UNC5D: variants seen among roughly 807,000 people sequenced by gnomAD.
UNC5D encodes the protein unc-5 netrin receptor D.
A neutral mutation model predicts 105.4 loss-of-function variants in UNC5D; 39 were observed. The observed-to-expected ratio is 0.37, with a 90% confidence interval of 0.29 to 0.48. The LOEUF (loss-of-function observed/expected upper bound fraction) is 0.48, where lower values mean the gene tolerates loss of function less well. Among genes scored for constraint, UNC5D ranks in the 20% least tolerant of loss-of-function variants. UNC5D has a pLI of 0.98. For synonymous variants in UNC5D, 452 were observed against 450.4 expected, an observed-to-expected ratio of 1.00 and a Z score of -0.04; for missense variants, 991 against 1,202.4, an observed-to-expected ratio of 0.82 and a Z score of 2.60.
At chr8:35,741,478 T>C (rs1310818066) in intron 11 of UNC5D, among the ~76,000 whole-genome samples, 1 of 152,196 alleles carries the variant, frequency 6.6e-6, no homozygotes, top group Non-Finnish European at 1.5e-5. Flanking sequence ...CTGTTCTAAC[T>C]GCTCCTTTTC....
intron 1 of UNC5D, among the ~76,000 whole-genome samples, chr8:35,437,860 G>A (rs1196486383): frequency 1.4e-5 from 2 of 144,452 alleles, no homozygotes; most frequent in Admixed American, 1.4e-4. Context: ...CTGAGCGGTT[G>A]ATTTTTTTTT....
At chr8:35,580,569 G>A (rs1008480534) in intron 3 of UNC5D, among the ~76,000 whole-genome samples, 3 of 152,126 alleles carry the variant, frequency 2.0e-5, no homozygotes, top group Non-Finnish European at 4.4e-5. Context: ...AGTAGAACAG[G>A]CACTAGGAGA....
chr8:35,779,957 C>T lies in UNC5D; in HGVS notation c.2657+5480C>T, dbSNP rs898695265. Among the ~76,000 whole-genome samples, 7 of 152,128 alleles carry T rather than the reference C, an allele frequency of 4.6e-5. No individual in the cohort carries two copies. The South Asian group carries it at 8.3e-4, about 18-fold the overall frequency. ...TGTGATGCCTCCTAATTTTCATATT[C>T]CAGAAACCCTTGTGAAAACACAGCC... is the stretch of plus-strand genomic sequence containing the variant. On this transcript the variant is annotated intron_variant, in intron 16 of 16. Transcript: ENST00000404895.
chr8:35,593,539 G>A (rs1039659831), intron 3 of UNC5D, among the ~76,000 whole-genome samples: 12 of 152,168 alleles, frequency 7.9e-5, no homozygotes, highest in African/African-American at 2.9e-4. Flanking sequence ...GATCGGAGGA[G>A]GAGTTGGAGA....
intron 1 of UNC5D, among the ~76,000 whole-genome samples, chr8:35,296,861 C>T (rs945511623): frequency 2.8e-4 from 42 of 152,218 alleles, no homozygotes; most frequent in Non-Finnish European, 6.0e-4. Flanking sequence ...ACTCATTGTA[C>T]TGTGATACCC....
At chr8:35,672,171 T>C (rs1225116495) in intron 4 of UNC5D, among the ~76,000 whole-genome samples, 1 of 152,214 alleles carries the variant, frequency 6.6e-6, no homozygotes, top group Non-Finnish European at 1.5e-5. Flanking sequence ...CATTTATGTA[T>C]GAACATTTGG....
intron 16 of UNC5D, among the ~76,000 whole-genome samples, chr8:35,775,604 A>AT (rs374504072): frequency 1.9e-3 from 273 of 146,014 alleles, no homozygotes; most frequent in South Asian, 3.5e-3. Flanking sequence ...CTTTGGTACT[A>AT]TTTTTTTTTT....
At chr8:35,400,014 T>G (rs1804354943) in intron 1 of UNC5D, among the ~76,000 whole-genome samples, 1 of 151,868 alleles carries the variant, frequency 6.6e-6, no homozygotes, top group South Asian at 2.1e-4. Flanking sequence ...TGTATAAGAG[T>G]ATTAAGGATA....
At chr8:35,762,513 T>A (rs1317797474) in intron 14 of UNC5D, among the ~76,000 whole-genome samples, 1 of 152,216 alleles carries the variant, frequency 6.6e-6, no homozygotes, top group Non-Finnish European at 1.5e-5. Flanking sequence ...TCTCCCCAAG[T>A]AAACAATTCA....
At chr8:35,341,873 C>A (rs150567680) in intron 1 of UNC5D, among the ~76,000 whole-genome samples, 1 of 151,980 alleles carries the variant, frequency 6.6e-6, no homozygotes, top group African/African-American at 2.4e-5. Flanking sequence ...AATAACCATG[C>A]GGTTCTTTTT....
chr8:35,335,127 T>C (rs1810925973), intron 1 of UNC5D, among the ~76,000 whole-genome samples: 1 of 152,242 alleles, frequency 6.6e-6, no homozygotes, highest in Non-Finnish European at 1.5e-5. Context: ...TTTGTTGCTT[T>C]TTCTTGCTGA....
chr8:35,414,003 C>T (rs1356354115), intron 1 of UNC5D, among the ~76,000 whole-genome samples: 1 of 152,098 alleles, frequency 6.6e-6, no homozygotes, highest in Non-Finnish European at 1.5e-5. Context: ...AGATTCTTGA[C>T]TGGAATGGGA....
intron 9 of UNC5D, among the ~76,000 whole-genome samples, chr8:35,725,254 G>A (rs1828799227): frequency 6.6e-6 from 1 of 152,148 alleles, no homozygotes; most frequent in South Asian, 2.1e-4. Flanking sequence ...GGACTGATAT[G>A]GGTGTGAAGC....
At chr8:35,695,587 G>A (rs1826708107) in intron 7 of UNC5D, among the ~76,000 whole-genome samples, 1 of 152,002 alleles carries the variant, frequency 6.6e-6, no homozygotes, top group Non-Finnish European at 1.5e-5. Flanking sequence ...GAGAGGGAAG[G>A]AAGAACACCT....
At chr8:35,635,372 GC>G (rs2131099647) in intron 4 of UNC5D, among the ~76,000 whole-genome samples, 1 of 152,268 alleles carries the variant, frequency 6.6e-6, no homozygotes, top group East Asian at 1.9e-4. Context: ...TGAAAGGGAT[GC>G]ACGTTTTGTC....
intron 1 of UNC5D, among the ~76,000 whole-genome samples, chr8:35,534,059 C>CT (rs1486569168): frequency 6.6e-6 from 1 of 152,128 alleles, no homozygotes; most frequent in East Asian, 1.9e-4. Context: ...ATTCGGCCAT[C>CT]TTGGCTCCTC....
At chr8:35,704,875 G>C (rs1333411446) in intron 7 of UNC5D, among the ~76,000 whole-genome samples, 1 of 151,860 alleles carries the variant, frequency 6.6e-6, no homozygotes, top group Admixed American at 6.6e-5. Context: ...ATGGGAGATA[G>C]GACAGGAGAC....
At chr8:35,285,037 C>A (rs1331332228) in intron 1 of UNC5D, among the ~76,000 whole-genome samples, 1 of 151,988 alleles carries the variant, frequency 6.6e-6, no homozygotes, top group Non-Finnish European at 1.5e-5. Context: ...AGATAGATAC[C>A]AATACCTAAA....
At chr8:35,506,957 T>C (rs1043360668) in intron 1 of UNC5D, among the ~76,000 whole-genome samples, 3 of 152,208 alleles carry the variant, frequency 2.0e-5, no homozygotes, top group African/African-American at 4.8e-5. Flanking sequence ...ATTTTCTGGC[T>C]TTTAAAAATT....
Sources: allele counts gnomAD v4.1 joint callset (sites outside exome capture counted in the v4.1 genomes callset), GRCh38; gene constraint gnomAD v4.1.1; transcripts MANE v1.5; gene names NCBI Gene and HGNC (gene_info 2026-07-23, HGNC 2026-07-21).